EBF3: variants seen among roughly 807,000 people sequenced by gnomAD.
EBF3 encodes the protein transcription factor COE3.
In EBF3, 18 loss-of-function variants were observed where a neutral mutation model predicts 77.1. The ratio of observed to expected loss-of-function variants is 0.23; its 90% CI spans 0.16 to 0.35. The LOEUF is 0.35. Ranked by LOEUF, EBF3 falls within the 10% of genes least tolerant of loss-of-function variation. The pLI, the probability that EBF3 is intolerant of heterozygous loss-of-function variation, is 1.00. For synonymous variants in EBF3, 350 were observed against 343.5 expected, an observed-to-expected ratio of 1.02 and a Z score of -0.21; for missense variants, 558 against 860.0, an observed-to-expected ratio of 0.65 and a Z score of 4.39.
chr10:129,849,804 G>A (rs1229130207), intron 10 of EBF3, among the ~76,000 whole-genome samples: 1 of 152,224 alleles, frequency 6.6e-6, no homozygotes, highest in Admixed American at 6.5e-5. Context: ...CTTTTGCTGG[G>A]ATTTTGCCCT....
At chr10:129,917,894 G>A (rs888672785) in intron 6 of EBF3, among the ~76,000 whole-genome samples, 1 of 152,144 alleles carries the variant, frequency 6.6e-6, no homozygotes, top group Non-Finnish European at 1.5e-5. Flanking sequence ...CAGATAAGGT[G>A]TAATTAGTAA....
intron 6 of EBF3, among the ~76,000 whole-genome samples, chr10:129,949,598 C>T (rs531229866): frequency 5.9e-5 from 9 of 152,270 alleles, no homozygotes; most frequent in Admixed American, 2.0e-4. Context: ...GGAAGGCGCA[C>T]GCTGCCTGCC....
At chr10:129,922,771 C>A (rs1031248367) in intron 6 of EBF3, among the ~76,000 whole-genome samples, 1 of 152,172 alleles carries the variant, frequency 6.6e-6, no homozygotes, top group Non-Finnish European at 1.5e-5. Context: ...TGGGGGCTGA[C>A]GGGACCACCC....
At chr10:129,927,142 C>G (rs1856732173) in intron 6 of EBF3, among the ~76,000 whole-genome samples, 1 of 152,200 alleles carries the variant, frequency 6.6e-6, no homozygotes, top group South Asian at 2.1e-4. Context: ...AGAAGCGACA[C>G]AACCGACCAG....
At chr10:129,895,937 G>C (rs1222574269) in intron 6 of EBF3, among the ~76,000 whole-genome samples, 2 of 152,238 alleles carry the variant, frequency 1.3e-5, no homozygotes, top group South Asian at 4.1e-4. Context: ...CAGATGCGGC[G>C]TGTGGAGCCA....
At chr10:129,915,964 G>A (rs530351538) in intron 6 of EBF3, among the ~76,000 whole-genome samples, 1 of 152,280 alleles carries the variant, frequency 6.6e-6, no homozygotes, top group African/African-American at 2.4e-5. Context: ...TGAGAAATCA[G>A]AATTTTCTCT....
intron 6 of EBF3, among the ~76,000 whole-genome samples, chr10:129,911,421 C>G (rs1855516895): frequency 6.6e-6 from 1 of 152,232 alleles, no homozygotes; most frequent in South Asian, 2.1e-4. Context: ...CTCTCTCACT[C>G]CTGCTCCACC....
intron 4 of EBF3, among the ~76,000 whole-genome samples, chr10:129,961,065 G>C (rs944870594): frequency 6.6e-6 from 1 of 152,188 alleles, no homozygotes; most frequent in Admixed American, 6.5e-5. Flanking sequence ...ACCTAGGTAA[G>C]GACAAACTTT....
intron 6 of EBF3, among the ~76,000 whole-genome samples, chr10:129,884,174 GGT>G (rs1853408674): frequency 1.3e-5 from 2 of 152,152 alleles, no homozygotes; most frequent in South Asian, 4.1e-4. Context: ...CCACAGCTGT[GGT>G]GTGTGCACAC....
rs752866337 is a variant in EBF3 at position 129,963,670 on chromosome 10, C to T, written c.99G>A (p.Thr33=). Residue 33 remains threonine, a synonymous_variant, in exon 1 of 17, where the codon ACG becomes ACA. Transcript: ENST00000440978. The surrounding 1 kb of genome is among the most constrained non-coding windows in gnomAD (Gnocchi z 7.1). ...GMNPVRSWMH[T]AGVVDANTAA... ...CCGTGTTGGCGTCCACCACGCCCGCCGTGTGCATCCACGAGCGCACCGGGT... is the reference window on the plus strand; with the variant it reads ...CCGTGTTGGCGTCCACCACGCCCGCTGTGTGCATCCACGAGCGCACCGGGT... 7 of 1,509,968 alleles carry T rather than the reference C, an allele frequency of 4.6e-6. No individual in the cohort carries two copies. Among genetic ancestry groups the T allele is most frequent in the Non-Finnish European group, 6.2e-6 (7 of 1,121,790 alleles). The allele number at this position is 1,509,968 out of a possible 1,614,324, so 93.5% of individuals were successfully genotyped here. A position where few individuals can be genotyped will look rare whatever the true frequency, so the allele number is the denominator to read the frequency against.
rs369619730 is a variant in EBF3 at position 129,898,939 on chromosome 10, C to T, written c.555-21090G>A. On this transcript the variant is annotated intron_variant, in intron 6 of 16. Coordinates refer to ENST00000440978, the MANE Select transcript of EBF3 (RefSeq NM_001375380.1). Reference sequence around the variant, plus strand: ...TGCATCCTCGGATAACGTGCAGCCTCGAGTAAGGAGAAGACGTTTTTGGTG... The same window carrying T: ...TGCATCCTCGGATAACGTGCAGCCTTGAGTAAGGAGAAGACGTTTTTGGTG... 9.8e-5 allele frequency among the ~76,000 whole-genome samples: 15 copies of T among 152,324 alleles called. No homozygotes were observed. The South Asian group carries it at 1.4e-3, about 15-fold the overall frequency.
rs1302397819 is a variant in EBF3, at chr10:129,932,604, G to A, written c.554+24654C>T. On this transcript the variant is annotated intron_variant, in intron 6 of 16. Coordinates refer to ENST00000440978, the MANE Select transcript of EBF3 (RefSeq NM_001375380.1). ...GTGAGCAGGGCAGGGGGCACATGGT[G>A]TATGTAGCTCCACGTGCCTGTGATG... Among the ~76,000 whole-genome samples the A allele has an allele frequency of 3.3e-5, 5 of 152,228 alleles. No individual in the cohort carries two copies. The East Asian group carries it at 7.7e-4, about 23-fold the overall frequency.
chr10:129,884,087 C>T (rs1339343477), intron 6 of EBF3, among the ~76,000 whole-genome samples: 1 of 152,110 alleles, frequency 6.6e-6, no homozygotes, highest in African/African-American at 2.4e-5. Context: ...GAGACTTTTC[C>T]CTGACTGATA....
intron 10 of EBF3, among the ~76,000 whole-genome samples, chr10:129,859,749 G>A (rs1044418010): frequency 3.9e-5 from 6 of 152,204 alleles, no homozygotes; most frequent in Admixed American, 1.3e-4. Flanking sequence ...ACGCTGGAGC[G>A]AAACATAGTC....
chr10:129,933,215 C>T (rs1026560979), intron 6 of EBF3, among the ~76,000 whole-genome samples: 2 of 152,156 alleles, frequency 1.3e-5, no homozygotes, highest in Non-Finnish European at 2.9e-5. Context: ...TGCACCCACA[C>T]ACACACATAC....
rs1002378552 is a variant in EBF3, at chr10:129,963,126, G to A, written c.292-121C>T. 1.9e-5 allele frequency: 25 copies of A among 1,333,640 alleles called. No homozygotes were observed. The highest frequency in any genetic ancestry group is 1.4e-4 in the Admixed American group (8 of 56,584). 82.6% of individuals were successfully genotyped at this position (1,333,640 alleles called of 1,614,324 possible). A position where few individuals can be genotyped will look rare whatever the true frequency, so the allele number is the denominator to read the frequency against. On this transcript the variant is annotated intron_variant, in intron 2 of 16. Coordinates refer to ENST00000440978, the MANE Select transcript of EBF3 (RefSeq NM_001375380.1). This position sits in a 1 kb window ranked among gnomAD's most constrained non-coding sequence, Gnocchi z 7.1. ...CACATGGCAGGATTCCTAGCTCGAAGCAGCGCGGTGATGTCACTTTCCTGC... is the reference window on the plus strand; with the variant it reads ...CACATGGCAGGATTCCTAGCTCGAAACAGCGCGGTGATGTCACTTTCCTGC...
Position 129,842,162 on chromosome 10 carries a change from G to A in EBF3, c.1326C>T (p.Ser442=), listed in dbSNP as rs1308515901. 1 of 1,614,244 alleles carries A rather than the reference G, an allele frequency of 6.2e-7. No individual in the cohort carries two copies. The highest frequency in any genetic ancestry group is 1.1e-5 in the South Asian group (1 of 91,088). ...TGMMGVNSFS[S]QLAVNVSETS... is the part of the protein sequence containing the mutation. Reference sequence around the variant, plus strand: ...TCTCTGACACGTTGACGGCTAGCTGGCTGCTGAAGGAGTTGACGCCCATCA... The same window carrying A: ...TCTCTGACACGTTGACGGCTAGCTGACTGCTGAAGGAGTTGACGCCCATCA... The change falls in exon 13 of 17, where the codon AGC becomes AGT. Residue 442 remains serine, a synonymous_variant. Transcript: ENST00000440978. This position sits in a 1 kb window ranked among gnomAD's most constrained non-coding sequence, Gnocchi z 4.4.
chr10:129,940,207 G>A (rs1361217703), intron 6 of EBF3, among the ~76,000 whole-genome samples: 1 of 152,154 alleles, frequency 6.6e-6, no homozygotes, highest in Non-Finnish European at 1.5e-5. Context: ...ACAGCTGTAG[G>A]TCAGGAGCAG....
At chr10:129,917,398 A>G (rs1191782900) in intron 6 of EBF3, among the ~76,000 whole-genome samples, 1 of 152,186 alleles carries the variant, frequency 6.6e-6, no homozygotes, top group East Asian at 1.9e-4. Context: ...AGTGGGGCAC[A>G]TATCATATGC....
Sources: gnomAD v4.1 joint callset for allele counts (sites outside exome capture counted in the v4.1 genomes callset) on GRCh38, gnomAD v4.1.1 for gene constraint, Gnocchi (gnomAD v3.1) non-coding constraint, MANE v1.5 for transcripts, NCBI Gene and HGNC (gene_info 2026-07-23, HGNC 2026-07-21) for gene names.